NCKAP5: variants seen among roughly 807,000 people sequenced by gnomAD.
NCKAP5 encodes the protein nck-associated protein 5.
Under a neutral mutation model 167.0 loss-of-function variants are expected in NCKAP5, and 92 were observed. The ratio of observed to expected loss-of-function variants is 0.55; its 90% confidence interval spans 0.47 to 0.66. The LOEUF (loss-of-function observed/expected upper bound fraction) is 0.66, where lower values mean the gene tolerates loss of function less well. Among genes scored for constraint, NCKAP5 ranks in the 30% least tolerant of loss-of-function variants. The probability of loss-of-function intolerance (pLI) is 0.00; values close to 1 mark genes in which losing one functional copy is unlikely to be tolerated. For missense variants in NCKAP5, 2,378 were observed against 2,315.0 expected (o/e 1.03, Z -0.56); for synonymous variants, 891 against 877.4 (o/e 1.02, Z -0.27).
At chr2:132,887,325 A>ATCTT (rs1383884605) in intron 8 of NCKAP5, among the ~76,000 whole-genome samples, 2 of 103,344 alleles carry the variant, frequency 1.9e-5, no homozygotes, top group Non-Finnish European at 3.4e-5. Flanking sequence ...TATTTTATCT[A>ATCTT]TCTATCTATC....
rs549457666 is a variant in NCKAP5 at position 132,983,707 on chromosome 2, C to T, written c.429+10445G>A. Among the ~76,000 whole-genome samples the T allele has an allele frequency of 1.5e-3, 232 of 152,176 alleles. 2 individuals carry two copies. Among genetic ancestry groups the T allele is most frequent in the African/African-American group, 4.8e-3 (200 of 41,512 alleles). On this transcript the variant is annotated intron_variant, in intron 7 of 19. Transcript: ENST00000409261. Reference sequence around the variant, plus strand: ...ATGGCTGACAGACTGACATGGGAGTCGGGAGGAGGGGGGCAACTTCAATAG... The same window carrying T: ...ATGGCTGACAGACTGACATGGGAGTTGGGAGGAGGGGGGCAACTTCAATAG...
chr2:132,834,968 A>G lies in NCKAP5; in HGVS notation c.807+25524T>C, dbSNP rs560269132. On this transcript the variant is annotated intron_variant, in intron 11 of 19. Coordinates refer to ENST00000409261, the MANE Select transcript of NCKAP5 (RefSeq NM_207363.3). ...TGTGTGTTTGTTGTATATGGCCTTT[A>G]TTATGTTGAGGTATGTTCCTTTAAT... Among the ~76,000 whole-genome samples the G allele has an allele frequency of 2.6e-5, 4 of 152,048 alleles. No individual in the cohort carries two copies. The South Asian group carries it at 8.3e-4, about 32-fold the overall frequency.
intron 5 of NCKAP5, among the ~76,000 whole-genome samples, chr2:133,198,513 CA>C (rs1463825442): frequency 6.6e-6 from 1 of 151,934 alleles, no homozygotes; most frequent in Non-Finnish European, 1.5e-5. Context: ...AAGAAACTAC[CA>C]ACAAGCTTTT....
chr2:132,903,414 A>G (rs1043178085), intron 8 of NCKAP5, among the ~76,000 whole-genome samples: 6 of 152,212 alleles, frequency 3.9e-5, no homozygotes, highest in African/African-American at 1.4e-4. Context: ...TTTTAACTTT[A>G]TTAACTAGTT....
intron 7 of NCKAP5, among the ~76,000 whole-genome samples, chr2:132,988,105 C>A (rs536808830): frequency 6.6e-6 from 1 of 152,134 alleles, no homozygotes; most frequent in Non-Finnish European, 1.5e-5. Flanking sequence ...AAGAGTAGTG[C>A]CAAAATCCCA....
chr2:133,661,969 T>G, the NCKAP5 span, among the ~76,000 whole-genome samples: 1 of 151,886 alleles, frequency 6.6e-6, no homozygotes, highest in African/African-American at 2.4e-5. Context: ...TAGAACTAAC[T>G]TATATTGTCA....
intron 3 of NCKAP5, among the ~76,000 whole-genome samples, chr2:133,407,261 G>T (rs1574898445): frequency 6.6e-6 from 1 of 152,204 alleles, no homozygotes; most frequent in African/African-American, 2.4e-5. Flanking sequence ...AAAAGTGTTT[G>T]CTGTCAGGAG....
At chr2:132,760,164 GT>G (rs1680881182) in intron 16 of NCKAP5, among the ~76,000 whole-genome samples, 1 of 151,886 alleles carries the variant, frequency 6.6e-6, no homozygotes, top group East Asian at 1.9e-4. Flanking sequence ...TACTTTTATT[GT>G]TATATAGAGA....
At chr2:133,590,817 A>C in the NCKAP5 span, among the ~76,000 whole-genome samples, 1 of 152,188 alleles carries the variant, frequency 6.6e-6, no homozygotes, top group East Asian at 1.9e-4. Flanking sequence ...CTTTGATTTA[A>C]TAAGCAGTTT....
Position 133,548,109 on chromosome 2 carries a change from A to T in NCKAP5, c.-62+10941T>A, listed in dbSNP as rs1050449448. ...GAAGCCTCAGGAGCCAATGCGATCAACTGGAAGAAAGGGTATCAGCAATGG... is the reference window on the plus strand; with the variant it reads ...GAAGCCTCAGGAGCCAATGCGATCATCTGGAAGAAAGGGTATCAGCAATGG... On this transcript the variant is annotated intron_variant, in intron 2 of 19. Transcript: ENST00000409261. 6.4e-4 allele frequency among the ~76,000 whole-genome samples: 96 copies of T among 149,476 alleles called. 1 individual carries two copies. Among genetic ancestry groups the T allele is most frequent in the African/African-American group, 1.9e-3 (78 of 40,428 alleles).
chr2:133,120,286 CTGTT>C (rs2082210557), intron 6 of NCKAP5, among the ~76,000 whole-genome samples: 1 of 152,144 alleles, frequency 6.6e-6, no homozygotes, highest in Admixed American at 6.5e-5. Flanking sequence ...AAGCTTGAGG[CTGTT>C]TGTTAGCAAC....
chr2:132,745,584 T>C (rs1440557956), intron 16 of NCKAP5, among the ~76,000 whole-genome samples: 8 of 151,854 alleles, frequency 5.3e-5, no homozygotes, highest in Non-Finnish European at 2.9e-5. Flanking sequence ...AACATTATAG[T>C]GGAGGTTATA....
intron 11 of NCKAP5, among the ~76,000 whole-genome samples, chr2:132,841,488 T>A (rs1025995685): frequency 4.6e-5 from 7 of 152,128 alleles, no homozygotes; most frequent in Admixed American, 3.9e-4. Context: ...TTCATTCTAC[T>A]TTTCCAGTAT....
intron 19 of NCKAP5, among the ~76,000 whole-genome samples, chr2:132,681,578 AT>A (rs200015176): frequency 2.0e-5 from 3 of 152,058 alleles, no homozygotes; most frequent in Admixed American, 1.3e-4. Context: ...GAAAAAAATA[AT>A]TTTTTTGTGT....
chr2:132,700,751 C>G (rs2105236810), intron 19 of NCKAP5, among the ~76,000 whole-genome samples: 1 of 152,262 alleles, frequency 6.6e-6, no homozygotes, highest in Non-Finnish European at 1.5e-5. Context: ...AAGAAATGAT[C>G]TTTCTCCTAA....
At chr2:132,787,322 C>T (rs72847215) in intron 13 of NCKAP5, among the ~76,000 whole-genome samples, 16 of 146,672 alleles carry the variant, frequency 1.1e-4, no homozygotes, top group African/African-American at 4.1e-4. Flanking sequence ...CACTCCCTCC[C>T]AGGTGACAGA....
At chr2:133,488,279 T>C (rs1284667959) in intron 3 of NCKAP5, among the ~76,000 whole-genome samples, 1 of 152,152 alleles carries the variant, frequency 6.6e-6, no homozygotes, top group African/African-American at 2.4e-5. Flanking sequence ...CATATCATCT[T>C]TGATGAAAAG....
chr2:133,362,105 G>C (rs1056866909), intron 3 of NCKAP5, among the ~76,000 whole-genome samples: 1 of 152,110 alleles, frequency 6.6e-6, no homozygotes, highest in Non-Finnish European at 1.5e-5. Flanking sequence ...GCTGTGTTTC[G>C]AGCCATATGA....
chr2:132,912,208 T>C (rs920008839), intron 8 of NCKAP5, among the ~76,000 whole-genome samples: 3 of 152,180 alleles, frequency 2.0e-5, no homozygotes, highest in South Asian at 2.1e-4. Context: ...GTGCCTGAAG[T>C]GAGCCAAGCT....
Sources: allele counts gnomAD v4.1 joint callset (sites outside exome capture counted in the v4.1 genomes callset), GRCh38; gene constraint gnomAD v4.1.1; transcripts MANE v1.5; gene names NCBI Gene and HGNC (gene_info 2026-07-23, HGNC 2026-07-21).